The following LY75 variants were observed in gnomAD, a reference collection of about 807,000 sequenced individuals.
LY75 encodes the protein lymphocyte antigen 75, also known as C-type lectin domain family 13 member B.
A neutral mutation model predicts 231.7 loss-of-function variants in LY75; 185 were observed. The observed-to-expected ratio is 0.80, with a 90% CI of 0.71 to 0.90. The LOEUF is 0.90. Ranked by LOEUF, LY75 falls within the 40% of genes least tolerant of loss-of-function variation. LY75 has a pLI of 0.00. For missense variants in LY75, 1,947 were observed against 2,050.2 expected, an observed-to-expected ratio of 0.95 and a Z score of 0.97; for synonymous variants, 668 against 689.0, an observed-to-expected ratio of 0.97 and a Z score of 0.48.
intron 15 of LY75, among the ~76,000 whole-genome samples, chr2:159,860,216 G>A (rs1684664445): frequency 6.6e-6 from 1 of 152,166 alleles, no homozygotes; most frequent in African/African-American, 2.4e-5. Context: ...TCTGTCTCAA[G>A]ATGAATCTTC....
At chr2:159,821,047 C>A (rs1683270220) in intron 28 of LY75, among the ~76,000 whole-genome samples, 1 of 152,072 alleles carries the variant, frequency 6.6e-6, no homozygotes, top group Admixed American at 6.5e-5. Flanking sequence ...ACCCTCTTGG[C>A]CAGGCAGGTC....
At chr2:159,868,039 A>T (rs1684906686) in intron 13 of LY75, among the ~76,000 whole-genome samples, 2 of 152,214 alleles carry the variant, frequency 1.3e-5, no homozygotes, top group South Asian at 4.1e-4. Flanking sequence ...CAAGGCATTC[A>T]AGGAGTATGC....
chr2:159,822,659 C>T (rs13407537), intron 28 of LY75, among the ~76,000 whole-genome samples: 4,622 of 152,262 alleles, frequency 0.03, 214 homozygotes, highest in African/African-American at 0.1. Context: ...CTCTGACCCC[C>T]AGGTATTCTG....
intron 23 of LY75, among the ~76,000 whole-genome samples, chr2:159,845,436 T>C (rs1684170367): frequency 6.6e-6 from 1 of 151,836 alleles, no homozygotes; most frequent in Admixed American, 6.6e-5. Flanking sequence ...ATATTTCTCA[T>C]ATATATAATA....
At position 159,822,922 on chromosome 2, in the gene LY75, C is replaced by T. The variant is rs148411937; in HGVS notation, c.3959-3002G>A. On this transcript the variant is annotated intron_variant, in intron 28 of 34. Transcript: ENST00000263636. The stretch of plus-strand genomic sequence containing the variant: ...AAAACAGAAAAGAATAGCATGTCCA[C>T]TCAAAGACCCCATCTGAAGGTCACC... Among the ~76,000 whole-genome samples, 21 of 152,118 alleles carry T rather than the reference C, an allele frequency of 1.4e-4. No individual in the cohort carries two copies. In the East Asian group the frequency reaches 4.1e-3, roughly 29 times the overall value.
chr2:159,847,075 G>A (rs1450288794), intron 23 of LY75, among the ~76,000 whole-genome samples: 3 of 151,932 alleles, frequency 2.0e-5, no homozygotes, highest in Non-Finnish European at 2.9e-5. Flanking sequence ...GCAATGACAC[G>A]ATCTCAGCTC....
chr2:159,836,504 T>C (rs1049404203), intron 25 of LY75, among the ~76,000 whole-genome samples: 10 of 152,190 alleles, frequency 6.6e-5, no homozygotes, highest in African/African-American at 1.7e-4. Context: ...AGCTTCCCCA[T>C]GGTGCTGCCA....
intron 6 of LY75, among the ~76,000 whole-genome samples, chr2:159,882,761 G>C (rs1002774453): frequency 2.0e-5 from 3 of 152,130 alleles, no homozygotes; most frequent in African/African-American, 7.2e-5. Flanking sequence ...GCTTAGCAAG[G>C]GGATGTAGAT....
At chr2:159,897,043 C>A (rs182083379) in intron 2 of LY75, among the ~76,000 whole-genome samples, 1 of 152,272 alleles carries the variant, frequency 6.6e-6, no homozygotes, top group Admixed American at 6.5e-5. Flanking sequence ...TTTTGTGCTA[C>A]TGATCTCTTT....
intron 31 of LY75, among the ~76,000 whole-genome samples, chr2:159,814,371 AGGC>A (rs1391808813): frequency 6.6e-6 from 1 of 152,194 alleles, no homozygotes; most frequent in Non-Finnish European, 1.5e-5. Context: ...ACCTTTGGCC[AGGC>A]GTAGTAGCTC....
chr2:159,883,793 T>C (rs1219661865), intron 6 of LY75, among the ~76,000 whole-genome samples: 1 of 152,228 alleles, frequency 6.6e-6, no homozygotes, highest in African/African-American at 2.4e-5. Flanking sequence ...ATTTCCCCTA[T>C]TATCTTAAAA....
chr2:159,870,678 T>C (rs1368523215), intron 13 of LY75, among the ~76,000 whole-genome samples: 1 of 150,536 alleles, frequency 6.6e-6, no homozygotes, highest in African/African-American at 2.4e-5. Context: ...CTAATTCTTT[T>C]TTTTTTTTTT....
intron 21 of LY75, 25 bp downstream of exon 21, chr2:159,852,176 C>T (rs767779427): frequency 4.7e-5 from 76 of 1,610,134 alleles, no homozygotes; most frequent in Non-Finnish European, 6.3e-5. Context: ...ATCATTGTTG[C>T]ATAATGTAGC....
intron 26 of LY75, 73 bp downstream of exon 26, chr2:159,835,407 C>A: frequency 7.1e-7 from 1 of 1,406,284 alleles, no homozygotes; most frequent in Non-Finnish European, 9.3e-7. Flanking sequence ...TTTTATAAAA[C>A]CACTCCTCAG....
chr2:159,842,973 T>G (rs192472642), intron 23 of LY75, among the ~76,000 whole-genome samples: 193 of 151,724 alleles, frequency 1.3e-3, no homozygotes, highest in African/African-American at 4.6e-3. Context: ...AAAATGCTAC[T>G]CAATAAATAG....
At chr2:159,823,313 A>G (rs1683358253) in intron 28 of LY75, among the ~76,000 whole-genome samples, 1 of 152,222 alleles carries the variant, frequency 6.6e-6, no homozygotes, top group Non-Finnish European at 1.5e-5. Context: ...CACAAGTATC[A>G]ATAGCTGAAT....
intron 29 of LY75, among the ~76,000 whole-genome samples, chr2:159,817,354 T>C (rs1446135069): frequency 6.6e-6 from 1 of 152,186 alleles, no homozygotes; most frequent in African/African-American, 2.4e-5. Flanking sequence ...GAGATTCATT[T>C]GAATGAGAAG....
At chr2:159,835,342 C>G (rs1359370593) in intron 26 of LY75, 138 bp downstream of exon 26, 5 of 881,552 alleles carry the variant, frequency 5.7e-6, no homozygotes, top group Non-Finnish European at 7.9e-6. Flanking sequence ...ATTTTCACAA[C>G]AAATGTTGCC....
chr2:159,874,688 TA>T lies in LY75; in HGVS notation c.1974+755del, dbSNP rs1311657465. On this transcript the variant is annotated intron_variant, in intron 12 of 34. Transcript: ENST00000263636. Reference sequence around the variant, plus strand: ...TATATATTTTGTAAATATATGTAAATATATATATTTTGTAAATATATGTAAA... The same window carrying T: ...TATATATTTTGTAAATATATGTAAATTATATATTTTGTAAATATATGTAAA... Among the ~76,000 whole-genome samples, 26 of 120,238 alleles carry T rather than the reference TA, an allele frequency of 2.2e-4. 1 individual carries two copies. The highest frequency in any genetic ancestry group is 1.8e-3 in the South Asian group (7 of 3,944). 78.9% of individuals were successfully genotyped at this position (120,238 alleles called of 152,430 possible).
Sources: gnomAD v4.1 joint callset for allele counts (sites outside exome capture counted in the v4.1 genomes callset) on GRCh38, gnomAD v4.1.1 for gene constraint, MANE v1.5 for transcripts, NCBI Gene and HGNC (gene_info 2026-07-23, HGNC 2026-07-21) for gene names.